The following KCND2 variants were observed in gnomAD, a reference collection of about 807,000 sequenced individuals.
KCND2 encodes the protein potassium voltage-gated channel subfamily D member 2.
Under a neutral mutation model 54.4 loss-of-function variants are expected in KCND2, and 16 were observed. The observed-to-expected ratio is 0.29, with a 90% CI of 0.20 to 0.45. The LOEUF is 0.45. Ranked by LOEUF, KCND2 falls within the 20% of genes least tolerant of loss-of-function variation. The pLI, the probability that KCND2 is intolerant of heterozygous loss-of-function variation, is 1.00. For missense variants in KCND2, 486 were observed against 824.2 expected, an observed-to-expected ratio of 0.59 and a Z score of 5.02; for synonymous variants, 317 against 310.7, an observed-to-expected ratio of 1.02 and a Z score of -0.21.
At chr7:120,338,547 T>C (rs1224455571) in intron 1 of KCND2, among the ~76,000 whole-genome samples, 1 of 152,106 alleles carries the variant, frequency 6.6e-6, no homozygotes, top group Non-Finnish European at 1.5e-5. Context: ...CGTTCTTTTT[T>C]ATTATTTTTT....
At chr7:120,546,005 T>G (rs555504881) in intron 1 of KCND2, among the ~76,000 whole-genome samples, 2 of 151,996 alleles carry the variant, frequency 1.3e-5, no homozygotes, top group East Asian at 3.9e-4. Context: ...AATGATGGTG[T>G]ATAAGGAGAG....
chr7:120,288,146 C>A (rs1799375455), intron 1 of KCND2, among the ~76,000 whole-genome samples: 1 of 152,002 alleles, frequency 6.6e-6, no homozygotes, highest in Admixed American at 6.6e-5. Flanking sequence ...GTAGGCTGAG[C>A]TTTTCTTAGT....
intron 1 of KCND2, among the ~76,000 whole-genome samples, chr7:120,631,599 TTAAC>T (rs1793234815): frequency 1.3e-5 from 2 of 152,120 alleles, no homozygotes; most frequent in South Asian, 4.1e-4. Flanking sequence ...AACAGCATAT[TTAAC>T]TATTTTATAA....
intron 1 of KCND2, among the ~76,000 whole-genome samples, chr7:120,706,103 G>T (rs1206027239): frequency 6.6e-6 from 1 of 152,058 alleles, no homozygotes; most frequent in Non-Finnish European, 1.5e-5. Flanking sequence ...CATAGGAGAG[G>T]ATAGTACCCC....
At chr7:120,295,385 CACACACAG>C (rs1327114061) in intron 1 of KCND2, among the ~76,000 whole-genome samples, 34 of 132,568 alleles carry the variant, frequency 2.6e-4, no homozygotes, top group African/African-American at 7.2e-4. Flanking sequence ...CACACACACA[CACACACAG>C]ACACACACAC....
chr7:120,303,650 C>G (rs1799614330), intron 1 of KCND2, among the ~76,000 whole-genome samples: 3 of 152,164 alleles, frequency 2.0e-5, no homozygotes, highest in Non-Finnish European at 2.9e-5. Flanking sequence ...TAAAACTATT[C>G]TCAAGAATGT....
Position 120,489,530 on chromosome 7 carries a change from A to C in KCND2, c.1115+213783A>C, listed in dbSNP as rs190813356. 2.6e-4 allele frequency among the ~76,000 whole-genome samples: 39 copies of C among 152,320 alleles called. No individual in the cohort carries two copies. In the East Asian group the frequency reaches 6.6e-3, roughly 26 times the overall value. On this transcript the variant is annotated intron_variant, in intron 1 of 5. Transcript: ENST00000331113. ...CACAGAAATCCTGTGTTCATTACAA[A>C]GATCTCCTTGTGTTCCTGATGGATC... is the stretch of plus-strand genomic sequence containing the variant.
intron 1 of KCND2, among the ~76,000 whole-genome samples, chr7:120,432,307 G>A (rs947387601): frequency 1.3e-5 from 2 of 152,132 alleles, no homozygotes; most frequent in African/African-American, 2.4e-5. Context: ...TGTGTTTATA[G>A]TAGTATATGT....
At chr7:120,333,869 A>G (rs1800105255) in intron 1 of KCND2, among the ~76,000 whole-genome samples, 1 of 152,006 alleles carries the variant, frequency 6.6e-6, no homozygotes, top group East Asian at 1.9e-4. Context: ...TTTCCAAAAT[A>G]TTTTTCAAAC....
chr7:120,522,128 T>G (rs1433258402), intron 1 of KCND2, among the ~76,000 whole-genome samples: 1 of 152,186 alleles, frequency 6.6e-6, no homozygotes, highest in Non-Finnish European at 1.5e-5. Flanking sequence ...TATGGTTTTC[T>G]CCACCACTCT....
In KCND2 at chr7:120,696,528, G is replaced by A. The variant is rs118118753; in HGVS notation, c.1116-36375G>A. On this transcript the variant is annotated intron_variant, in intron 1 of 5. Coordinates refer to ENST00000331113, the MANE Select transcript of KCND2 (RefSeq NM_012281.3). ...GTTTGATCAATGCTATGGTTTGAAC[G>A]TGTTCTCCAAAGTTCATATGCTGGA... 2.0e-4 allele frequency among the ~76,000 whole-genome samples: 30 copies of A among 152,306 alleles called. No individual in the cohort carries two copies. The East Asian group carries it at 3.3e-3, about 17-fold the overall frequency.
At chr7:120,670,446 C>T (rs1791977521) in intron 1 of KCND2, among the ~76,000 whole-genome samples, 1 of 152,024 alleles carries the variant, frequency 6.6e-6, no homozygotes, top group African/African-American at 2.4e-5. Context: ...AAGGGGTGGG[C>T]TTTCAGCCTG....
At chr7:120,685,448 C>T (rs1792188483) in intron 1 of KCND2, among the ~76,000 whole-genome samples, 1 of 152,110 alleles carries the variant, frequency 6.6e-6, no homozygotes, top group South Asian at 2.1e-4. Context: ...AGCACTGTGG[C>T]ACTAACTAGG....
intron 1 of KCND2, among the ~76,000 whole-genome samples, chr7:120,683,995 T>G (rs183952277): frequency 2.0e-5 from 3 of 152,288 alleles, no homozygotes; most frequent in African/African-American, 7.2e-5. Flanking sequence ...TTAATGATTC[T>G]CTGGCTTCTT....
chr7:120,662,198 C>A (rs1251186981), intron 1 of KCND2, among the ~76,000 whole-genome samples: 1 of 152,056 alleles, frequency 6.6e-6, no homozygotes, highest in Admixed American at 6.6e-5. Context: ...AATTTTTCCT[C>A]CCCTATAGTT....
At chr7:120,618,619 T>C (rs1171055500) in intron 1 of KCND2, among the ~76,000 whole-genome samples, 5 of 152,194 alleles carry the variant, frequency 3.3e-5, no homozygotes, top group African/African-American at 1.2e-4. Context: ...GTGCAGGCTT[T>C]GTATTGTCTT....
At chr7:120,459,208 T>C (rs1802245526) in intron 1 of KCND2, among the ~76,000 whole-genome samples, 1 of 152,070 alleles carries the variant, frequency 6.6e-6, no homozygotes, top group Admixed American at 6.6e-5. Context: ...TTCCCTGAAC[T>C]CCAGCCACAG....
rs748815781 is a variant in KCND2, at chr7:120,612,462, A to T, written c.1116-120441A>T. On this transcript the variant is annotated intron_variant, in intron 1 of 5. Coordinates refer to ENST00000331113, the MANE Select transcript of KCND2 (RefSeq NM_012281.3). Reference sequence around the variant, plus strand: ...TGCTTAGGTACTAAATAAATGATGAAGGAATATGTTGAAAGATGAAACAGC... The same window carrying T: ...TGCTTAGGTACTAAATAAATGATGATGGAATATGTTGAAAGATGAAACAGC... 2.0e-4 allele frequency among the ~76,000 whole-genome samples: 30 copies of T among 152,234 alleles called. 1 individual carries two copies. The highest frequency in any genetic ancestry group is 8.8e-5 in the Non-Finnish European group (6 of 68,034).
chr7:120,575,622 T>C (rs1792422327), intron 1 of KCND2, among the ~76,000 whole-genome samples: 1 of 152,178 alleles, frequency 6.6e-6, no homozygotes, highest in Non-Finnish European at 1.5e-5. Flanking sequence ...ATAGCGTAAA[T>C]TCTCCTTACA....
Sources: allele counts gnomAD v4.1 joint callset (sites outside exome capture counted in the v4.1 genomes callset), GRCh38; gene constraint gnomAD v4.1.1; transcripts MANE v1.5; gene names NCBI Gene and HGNC (gene_info 2026-07-23, HGNC 2026-07-21).